GPD2: variants seen among roughly 807,000 people sequenced by gnomAD.
GPD2 encodes glycerol-3-phosphate dehydrogenase 2.
GPD2 carries 54 observed loss-of-function variants against 82.4 expected under a neutral mutation model. The ratio of observed to expected loss-of-function variants is 0.66; its 90% CI spans 0.53 to 0.82. GPD2 has a LOEUF of 0.82. Ranked by LOEUF, GPD2 falls within the 40% of genes least tolerant of loss-of-function variation. GPD2 has a pLI of 0.00. For synonymous variants in GPD2, 288 were observed against 306.1 expected, an observed-to-expected ratio of 0.94 and a Z score of 0.62; for missense variants, 748 against 896.2, an observed-to-expected ratio of 0.83 and a Z score of 2.11.
At chr2:156,498,033 A>G (rs889498205) in intron 3 of GPD2, among the ~76,000 whole-genome samples, 2 of 152,190 alleles carry the variant, frequency 1.3e-5, no homozygotes, top group African/African-American at 2.4e-5. Context: ...CCTCCAAGAA[A>G]TTAGAATTTA....
At chr2:156,557,620 C>T (rs1259075895) in intron 9 of GPD2, 38 bp downstream of exon 9, 2 of 1,122,776 alleles carry the variant, frequency 1.8e-6, no homozygotes, top group Admixed American at 1.7e-5. Flanking sequence ...TCTCTGTGTC[C>T]ATATCTCCCA....
chr2:156,483,581 T>C (rs985530648), intron 2 of GPD2, among the ~76,000 whole-genome samples: 17 of 152,230 alleles, frequency 1.1e-4, no homozygotes, highest in East Asian at 3.8e-4. Flanking sequence ...TTTGCTTATA[T>C]TGATGACTAA....
intron 6 of GPD2, among the ~76,000 whole-genome samples, chr2:156,524,868 T>C (rs893349704): frequency 2.0e-5 from 3 of 152,194 alleles, no homozygotes; most frequent in African/African-American, 7.2e-5. Flanking sequence ...CACAAGTCTG[T>C]TTACCTCTTT....
intron 6 of GPD2, among the ~76,000 whole-genome samples, chr2:156,514,700 TA>T (rs2105276713): frequency 6.6e-6 from 1 of 152,280 alleles, no homozygotes; most frequent in South Asian, 2.1e-4. Flanking sequence ...AGAAAAATGT[TA>T]AGGGTCTTAG....
chr2:156,456,595 C>T (rs1306257130), intron 1 of GPD2, among the ~76,000 whole-genome samples: 2 of 136,306 alleles, frequency 1.5e-5, no homozygotes, highest in African/African-American at 5.4e-5. Context: ...GACTCTGTCT[C>T]AAAAAAAAAA....
intron 6 of GPD2, among the ~76,000 whole-genome samples, chr2:156,523,670 C>CTAGATAGATAGA (rs3086039): frequency 0.011 from 1,569 of 146,688 alleles, 13 homozygotes; most frequent in Middle Eastern, 0.017. Flanking sequence ...AATTTCTTTT[C>CTAGATAGATAGA]TAGATAGATA....
chr2:156,562,712 TAA>T (rs1687220786), intron 9 of GPD2, among the ~76,000 whole-genome samples: 1 of 152,176 alleles, frequency 6.6e-6, no homozygotes, highest in Non-Finnish European at 1.5e-5. Flanking sequence ...CAAGTATGAG[TAA>T]AAATATGAAT....
chr2:156,568,115 T>G (rs1687457709), intron 9 of GPD2, among the ~76,000 whole-genome samples: 1 of 152,174 alleles, frequency 6.6e-6, no homozygotes, highest in Non-Finnish European at 1.5e-5. Flanking sequence ...GACCTTAAAC[T>G]CAGAAGGAAG....
At chr2:156,485,051 A>G (rs1683888908) in intron 2 of GPD2, among the ~76,000 whole-genome samples, 1 of 152,210 alleles carries the variant, frequency 6.6e-6, no homozygotes, top group Non-Finnish European at 1.5e-5. Flanking sequence ...CACTTAGCAT[A>G]ATGTCCTCCA....
Position 156,549,956 on chromosome 2 carries a change from A to G in GPD2, c.826+184A>G, listed in dbSNP as rs112950726. On this transcript the variant is annotated intron_variant, in intron 7 of 16. Transcript: ENST00000438166. ...AAAATTTCCCTTGTAGGACTTGGCA[A>G]TTTTTCCCCTTTGTATTATAGTTGT... 9.8e-3 allele frequency among the ~76,000 whole-genome samples: 1,486 copies of G among 152,288 alleles called. 28 individuals carry two copies. Among genetic ancestry groups the G allele is most frequent in the African/African-American group, 0.033 (1,391 of 41,564 alleles).
At chr2:156,400,353 G>C in the GPD2 span, among the ~76,000 whole-genome samples, 2 of 152,334 alleles carry the variant, frequency 1.3e-5, no homozygotes, top group East Asian at 1.9e-4. Context: ...GGTTTGGACC[G>C]GGGTTCTACC....
chr2:156,470,929 A>G (rs138627020), intron 1 of GPD2, among the ~76,000 whole-genome samples: 7 of 152,306 alleles, frequency 4.6e-5, no homozygotes, highest in African/African-American at 1.4e-4. Flanking sequence ...GTTCTAGGCA[A>G]AATTTTCCCA....
At chr2:156,466,001 G>A (rs1438219235) in intron 1 of GPD2, among the ~76,000 whole-genome samples, 1 of 152,178 alleles carries the variant, frequency 6.6e-6, no homozygotes, top group Admixed American at 6.5e-5. Flanking sequence ...TACTAGGCAT[G>A]TTATCTACTC....
chr2:156,581,638 T>C (rs1688028148), intron 16 of GPD2, among the ~76,000 whole-genome samples: 1 of 152,148 alleles, frequency 6.6e-6, no homozygotes, highest in African/African-American at 2.4e-5. Context: ...AATATATTTT[T>C]TGAATATAGA....
chr2:156,542,618 C>T (rs371114743), intron 6 of GPD2, among the ~76,000 whole-genome samples: 2 of 152,168 alleles, frequency 1.3e-5, no homozygotes, highest in Non-Finnish European at 2.9e-5. Context: ...TTGCCAGGCA[C>T]TTAACACATT....
intron 9 of GPD2, 77 bp downstream of exon 9, chr2:156,557,659 CT>C: frequency 4.7e-6 from 4 of 842,800 alleles, no homozygotes; most frequent in Non-Finnish European, 8.2e-6. Context: ...TGGATAAATG[CT>C]ATGTCTCCAG....
At chr2:156,516,544 A>G (rs767251042) in intron 6 of GPD2, among the ~76,000 whole-genome samples, 6 of 152,202 alleles carry the variant, frequency 3.9e-5, no homozygotes, top group Non-Finnish European at 8.8e-5. Context: ...GGCTCAAGCA[A>G]TCCTCCTGCC....
At chr2:156,417,414 AG>A in the GPD2 span, among the ~76,000 whole-genome samples, 38 of 152,194 alleles carry the variant, frequency 2.5e-4, no homozygotes, top group African/African-American at 8.2e-4. Context: ...AACATATGTC[AG>A]GAGAGGCAAA....
At chr2:156,506,167 A>G (rs1017898333) in intron 3 of GPD2, among the ~76,000 whole-genome samples, 2 of 152,336 alleles carry the variant, frequency 1.3e-5, no homozygotes, top group Admixed American at 1.3e-4. Context: ...AATTAAAGAA[A>G]ATTTTTAGAG....
Sources: allele counts gnomAD v4.1 joint callset (sites outside exome capture counted in the v4.1 genomes callset), GRCh38; gene constraint gnomAD v4.1.1; transcripts MANE v1.5; gene names NCBI Gene and HGNC (gene_info 2026-07-23, HGNC 2026-07-21).